Variants in SLC17A5 observed in about 807,000 individuals in gnomAD.
The protein encoded by SLC17A5 is solute carrier family 17 member 5, also known as sialin.
A neutral mutation model predicts 59.4 loss-of-function variants in SLC17A5; 47 were observed. The observed-to-expected ratio is 0.79, with a 90% CI of 0.63 to 1.01. SLC17A5 has a LOEUF of 1.01. Among genes scored for constraint, SLC17A5 ranks in the 50% least tolerant of loss-of-function variants. SLC17A5 has a pLI of 0.00. For synonymous variants in SLC17A5, 202 were observed against 210.7 expected, an observed-to-expected ratio of 0.96 and a Z score of 0.36; for missense variants, 522 against 595.5, an observed-to-expected ratio of 0.88 and a Z score of 1.28.
rs1769990764 is a variant in SLC17A5, at chr6:73,653,875, C to T, written c.12G>A (p.Pro4=). MRS[P]VRDLARNDGE... ...CATCGTTCCGGGCCAGGTCTCGAAC[C>T]GGAGACCTCATGACGCCTACGTGAG... The change falls in exon 1 of 11, where the codon CCG becomes CCA. Residue 4 remains proline (P), a synonymous_variant. Coordinates refer to ENST00000355773, the MANE Select transcript of SLC17A5 (RefSeq NM_012434.5). The T allele has an allele frequency of 3.1e-6, 5 of 1,606,624 alleles. No individual in the cohort carries two copies. Among genetic ancestry groups the T allele is most frequent in the Non-Finnish European group, 2.5e-6 (3 of 1,177,220 alleles).
chr6:73,621,541 C>T (rs1246577420), intron 7 of SLC17A5, among the ~76,000 whole-genome samples: 1 of 152,150 alleles, frequency 6.6e-6, no homozygotes, highest in East Asian at 1.9e-4. Flanking sequence ...ACTGAGTTGT[C>T]TTTTTATTAT....
chr6:73,614,187 G>A (rs1399618014), intron 8 of SLC17A5, among the ~76,000 whole-genome samples: 1 of 152,114 alleles, frequency 6.6e-6, no homozygotes, highest in African/African-American at 2.4e-5. Flanking sequence ...GATCACCTGA[G>A]GCTGAGGAGG....
intron 7 of SLC17A5, among the ~76,000 whole-genome samples, chr6:73,616,164 A>G (rs9442932): frequency 0.38 from 57,628 of 151,826 alleles, 11,990 homozygotes; most frequent in African/African-American, 0.56. Context: ...GATTACAGGC[A>G]TGAGCCACCG....
chr6:73,609,482 A>T (rs1051716037), intron 9 of SLC17A5, among the ~76,000 whole-genome samples: 13 of 152,240 alleles, frequency 8.5e-5, no homozygotes, highest in African/African-American at 3.1e-4. Context: ...TATGAAAGTG[A>T]TGTGTAAACT....
At chr6:73,623,640 ATTTAT>A (rs927291451) in intron 6 of SLC17A5, among the ~76,000 whole-genome samples, 21 of 149,896 alleles carry the variant, frequency 1.4e-4, no homozygotes, top group Admixed American at 4.0e-4. Flanking sequence ...AGCGTAAGTG[ATTTAT>A]TTTAAGTGTC....
chr6:73,649,345 G>A lies in SLC17A5; in HGVS notation c.94+4448C>T, dbSNP rs549058629. On this transcript the variant is annotated intron_variant, in intron 1 of 10. Transcript: ENST00000355773. ...AAGCCGGGCATGGTGGCTCACACTC[G>A]TAATCCCAGCACTTTGGGAAGCTGA... Among the ~76,000 whole-genome samples, 5 of 152,320 alleles carry A rather than the reference G, an allele frequency of 3.3e-5. No individual in the cohort carries two copies. The South Asian group carries it at 8.3e-4, about 25-fold the overall frequency.
intron 7 of SLC17A5, among the ~76,000 whole-genome samples, chr6:73,620,513 A>G (rs912426092): frequency 1.3e-5 from 2 of 152,120 alleles, no homozygotes; most frequent in Non-Finnish European, 2.9e-5. Context: ...AATTTGTGGA[A>G]ATATTTCTAT....
intron 1 of SLC17A5, among the ~76,000 whole-genome samples, chr6:73,648,635 A>T (rs549095710): frequency 6.6e-6 from 1 of 152,360 alleles, no homozygotes; most frequent in East Asian, 1.9e-4. Flanking sequence ...CTTAGTAAAA[A>T]GGATTTCTTC....
At chr6:73,620,561 C>A (rs1768094329) in intron 7 of SLC17A5, among the ~76,000 whole-genome samples, 1 of 152,124 alleles carries the variant, frequency 6.6e-6, no homozygotes, top group South Asian at 2.1e-4. Flanking sequence ...CAGAGGAGTT[C>A]TTCACAGCTT....
intron 8 of SLC17A5, among the ~76,000 whole-genome samples, chr6:73,615,035 T>C (rs1767793101): frequency 2.0e-5 from 3 of 152,144 alleles, no homozygotes; most frequent in Admixed American, 1.3e-4. Context: ...GGGGGCGATC[T>C]TGTGGAACTG....
At chr6:73,625,033 A>G (rs1768340019) in intron 6 of SLC17A5, among the ~76,000 whole-genome samples, 1 of 152,148 alleles carries the variant, frequency 6.6e-6, no homozygotes, top group Admixed American at 6.6e-5. Flanking sequence ...AGCAAGAGCA[A>G]TCTATGTTTC....
chr6:73,642,419 G>A (rs538703497), intron 2 of SLC17A5, among the ~76,000 whole-genome samples: 4 of 152,328 alleles, frequency 2.6e-5, no homozygotes, highest in African/African-American at 7.2e-5. Context: ...CTTACCGAAT[G>A]TGTGATCTGG....
At chr6:73,653,321 A>G in intron 1 of SLC17A5, 2 of 985,430 alleles carry the variant, frequency 2.0e-6, no homozygotes, top group Non-Finnish European at 2.4e-6. Flanking sequence ...ACAGGGAAGG[A>G]CAGCCCTCTG....
chr6:73,611,268 C>T (rs1767627514), intron 8 of SLC17A5, among the ~76,000 whole-genome samples: 1 of 151,986 alleles, frequency 6.6e-6, no homozygotes, highest in Non-Finnish European at 1.5e-5. Flanking sequence ...TTTTTAAAAT[C>T]TCTGTCTTCA....
At chr6:73,624,509 A>G (rs967412218) in intron 6 of SLC17A5, among the ~76,000 whole-genome samples, 3 of 152,200 alleles carry the variant, frequency 2.0e-5, no homozygotes, top group Non-Finnish European at 4.4e-5. Context: ...TCATCTATCA[A>G]TCCTTTAAAA....
chr6:73,610,709 A>G (rs967889536), intron 8 of SLC17A5, among the ~76,000 whole-genome samples, 162 bp from the exon 9 acceptor site: 1 of 152,212 alleles, frequency 6.6e-6, no homozygotes, highest in Non-Finnish European at 1.5e-5. Flanking sequence ...AAATGCTGGA[A>G]AACATGGGCG....
chr6:73,651,773 G>A (rs987885211), intron 1 of SLC17A5, among the ~76,000 whole-genome samples: 2 of 151,938 alleles, frequency 1.3e-5, no homozygotes, highest in East Asian at 3.9e-4. Flanking sequence ...GGATGGTCTC[G>A]GTCTGCTGAC....
chr6:73,625,678 A>G (rs1768377009), intron 6 of SLC17A5, among the ~76,000 whole-genome samples: 1 of 152,162 alleles, frequency 6.6e-6, no homozygotes, highest in Non-Finnish European at 1.5e-5. Flanking sequence ...CTCTGAGTGT[A>G]GGGCCAAGGA....
Position 73,641,815 on chromosome 6 carries a change from C to G in SLC17A5, c.401G>C (p.Gly134Ala). ...CCCAAATCCTAGCAGCATTTTCCCC[C>G]CTATTTTGCTGGCAACATATCCTCC... is the stretch of plus-strand genomic sequence containing the variant. ...IPGGYVASKI[G>A]GKMLLGFGIL... The change falls in exon 3 of 11, where the codon GGG becomes GCG. Residue 134 changes from glycine to alanine, a missense_variant. Transcript: ENST00000355773. The G allele has an allele frequency of 1.2e-6, 2 of 1,614,156 alleles. No individual in the cohort carries two copies. Among genetic ancestry groups the G allele is most frequent in the Admixed American group, 1.7e-5 (1 of 60,006 alleles).
Sources: allele counts gnomAD v4.1 joint callset (sites outside exome capture counted in the v4.1 genomes callset), GRCh38; gene constraint gnomAD v4.1.1; transcripts MANE v1.5; gene names NCBI Gene and HGNC (gene_info 2026-07-23, HGNC 2026-07-21).